The following SMCR8 variants were observed in gnomAD, a reference collection of about 807,000 sequenced individuals.
The protein encoded by SMCR8 is SMCR8-C9orf72 complex subunit, also known as guanine nucleotide exchange protein SMCR8.
SMCR8 carries 30 observed loss-of-function variants against 56.6 expected under a neutral mutation model. The observed-to-expected ratio is 0.53, with a 90% CI of 0.40 to 0.72. The LOEUF is 0.72. Ranked by LOEUF, SMCR8 falls within the 30% of genes least tolerant of loss-of-function variation. The probability of loss-of-function intolerance (pLI) is 0.00; values close to 1 mark genes in which losing one functional copy is unlikely to be tolerated. For synonymous variants in SMCR8, 538 were observed against 456.0 expected (o/e 1.18, Z -2.29); for missense variants, 1,198 against 1,157.0 (o/e 1.04, Z -0.51).
Position 18,317,329 on chromosome 17 carries a change from G to C in SMCR8, c.1540G>C (p.Glu514Gln). 6.2e-7 allele frequency: 1 copy of C among 1,614,084 alleles called. No homozygotes were observed. The highest frequency in any genetic ancestry group is 1.1e-5 in the South Asian group (1 of 91,076). Residue 514 changes from glutamate (E) to glutamine (Q), a missense_variant, in exon 1 of 2, where the codon GAG becomes CAG. By Grantham distance (29) the Glu-to-Gln change is conservative. Transcript: ENST00000406438. ...SKAVSHRTISEDSIEVLSTCP... is the reference protein window; with the variant it reads ...SKAVSHRTISQDSIEVLSTCP... The stretch of plus-strand genomic sequence containing the variant: ...AGCAGTCAGCCACAGGACCATCAGC[G>C]AGGACAGTATTGAAGTCCTCAGTAC...
Position 18,316,963 on chromosome 17 carries a change from A to G in SMCR8, c.1174A>G (p.Lys392Glu). ...MVEKQESIPS[K>E]PSQDRPPSSS... ...GGAGAAACAAGAAAGCATACCCTCT[A>G]AGCCCAGTCAAGACAGGCCGCCTTC... The change falls in exon 1 of 2, where the codon AAG (lysine) becomes GAG (glutamate). Residue 392 changes from lysine (K) to glutamate (E), a missense_variant. Coordinates refer to ENST00000406438, the MANE Select transcript of SMCR8 (RefSeq NM_144775.3). 2 of 1,614,196 alleles carry G rather than the reference A, an allele frequency of 1.2e-6. No homozygotes were observed. Among genetic ancestry groups the G allele is most frequent in the Non-Finnish European group, 1.7e-6 (2 of 1,180,026 alleles).
At position 18,315,592 on chromosome 17, in the gene SMCR8, G is replaced by A. The variant is rs753522544; in HGVS notation, c.-198G>A. 1 of 548,666 alleles carries A rather than the reference G, an allele frequency of 1.8e-6. No homozygotes were observed. Among genetic ancestry groups the A allele is most frequent in the Non-Finnish European group, 3.2e-6 (1 of 311,278 alleles). 34.0% of individuals were successfully genotyped at this position (548,666 alleles called of 1,614,324 possible). A position where few individuals can be genotyped will look rare whatever the true frequency, so the allele number is the denominator to read the frequency against. On this transcript the variant is annotated 5_prime_UTR_variant, in exon 1 of 2. Coordinates refer to ENST00000406438, the MANE Select transcript of SMCR8 (RefSeq NM_144775.3). Reference sequence around the variant, plus strand: ...TCATGAGGCCTCAGAGAGCTCCGGAGGAGCTACAACTGTGAGGGGGCTGCT... The same window carrying A: ...TCATGAGGCCTCAGAGAGCTCCGGAAGAGCTACAACTGTGAGGGGGCTGCT...
Position 18,315,823 on chromosome 17 carries a change from A to G in SMCR8, c.34A>G (p.Lys12Glu). The G allele has an allele frequency of 6.2e-7, 1 of 1,601,952 alleles. No homozygotes were observed. The highest frequency in any genetic ancestry group is 8.5e-7 in the Non-Finnish European group (1 of 1,170,876). Residue 12 changes from lysine to glutamate, a missense_variant, in exon 1 of 2, where the codon AAA becomes GAA. Lys to Glu is a moderately conservative substitution (Grantham distance 56, BLOSUM62 1). Transcript: ENST00000406438. ...CGCCCCTGACGTAGTGGCCTTCACCAAAGAGGAAGAGTATGAAGAAGAGCC... is the reference window on the plus strand; with the variant it reads ...CGCCCCTGACGTAGTGGCCTTCACCGAAGAGGAAGAGTATGAAGAAGAGCC... ...ISAPDVVAFT[K>E]EEEYEEEPYN...
chr17:18,320,881 G>A (rs921865), intron 1 of SMCR8, among the ~76,000 whole-genome samples: 55,400 of 152,032 alleles, frequency 0.36, 11,170 homozygotes, highest in African/African-American at 0.53. Context: ...CTGAGGGCCA[G>A]CTCTGAGGCA....
chr17:18,319,907 G>A (rs1982446453), intron 1 of SMCR8, among the ~76,000 whole-genome samples: 1 of 152,158 alleles, frequency 6.6e-6, no homozygotes, highest in Non-Finnish European at 1.5e-5. Context: ...CTTTAGTAGA[G>A]ACAGGGTTTC....
chr17:18,315,694 C>T lies in SMCR8; in HGVS notation c.-96C>T, dbSNP rs1982235460. 1 of 872,408 alleles carries T rather than the reference C, an allele frequency of 1.1e-6. No homozygotes were observed. Among genetic ancestry groups the T allele is most frequent in the Admixed American group, 2.4e-5 (1 of 42,042 alleles). 54.0% of individuals were successfully genotyped at this position (872,408 alleles called of 1,614,324 possible). ...GGAGTCGCAAAGAAGGCCGTAAGGG[C>T]TTCACTTCCTTCTCCGGAGGCCTGC... On this transcript the variant is annotated 5_prime_UTR_variant, in exon 1 of 2. Transcript: ENST00000406438.
In SMCR8 at chr17:18,325,442, G is replaced by A. The variant is rs1035879491; in HGVS notation, c.*2372G>A. 6.6e-6 allele frequency: 1 copy of A among 152,240 alleles called. No homozygotes were observed. Among genetic ancestry groups the A allele is most frequent in the Non-Finnish European group, 1.5e-5 (1 of 68,058 alleles). 9.4% of individuals were successfully genotyped at this position (152,240 alleles called of 1,614,324 possible). A position where few individuals can be genotyped will look rare whatever the true frequency, so the allele number is the denominator to read the frequency against. On this transcript the variant is annotated 3_prime_UTR_variant, in exon 2 of 2. Coordinates refer to ENST00000406438, the MANE Select transcript of SMCR8 (RefSeq NM_144775.3). ...GGGGCAGCCATGTAAGTGGCAAGCAGGGCTGGTCTCCCTCAAGGTGGTTCT... is the reference window on the plus strand; with the variant it reads ...GGGGCAGCCATGTAAGTGGCAAGCAAGGCTGGTCTCCCTCAAGGTGGTTCT...
rs1056125793 is a variant in SMCR8 at position 18,328,051 on chromosome 17, A to G, written c.*4981A>G. ...ACGTGAAAATAAAATTTCTTTGGGA[A>G]GGTGACATTTGGCTTCCTGATTACG... On this transcript the variant is annotated 3_prime_UTR_variant, in exon 2 of 2. Transcript: ENST00000406438. 1 of 152,524 alleles carries G rather than the reference A, an allele frequency of 6.6e-6. No individual in the cohort carries two copies. Among genetic ancestry groups the G allele is most frequent in the Non-Finnish European group, 1.5e-5 (1 of 68,074 alleles). 9.4% of individuals were successfully genotyped at this position (152,524 alleles called of 1,614,324 possible). A position where few individuals can be genotyped will look rare whatever the true frequency, so the allele number is the denominator to read the frequency against.
Position 18,318,005 on chromosome 17 carries a change from A to G in SMCR8, c.2216A>G (p.Asp739Gly), listed in dbSNP as rs1418789485. The G allele has an allele frequency of 6.2e-7, 1 of 1,614,256 alleles. No homozygotes were observed. Among genetic ancestry groups the G allele is most frequent in the Non-Finnish European group, 8.5e-7 (1 of 1,180,052 alleles). Residue 739 changes from aspartate to glycine, a missense_variant, in exon 1 of 2, where the codon GAT becomes GGT. Asp to Gly is a moderately conservative substitution (Grantham distance 94, BLOSUM62 -1). Transcript: ENST00000406438. ...AGGACACTTGTGGTCCTGGGGGAAG[A>G]TGAGGCCATAGTCAGGAAACTCGTG... ...SGRTLVVLGE[D>G]EAIVRKLVTA... is the part of the protein sequence containing the mutation.
Position 18,317,703 on chromosome 17 carries a change from T to C in SMCR8, c.1914T>C (p.Ser638=), listed in dbSNP as rs1258160356. The C allele has an allele frequency of 6.5e-5, 105 of 1,614,020 alleles. No individual in the cohort carries two copies. Among genetic ancestry groups the C allele is most frequent in the Non-Finnish European group, 8.8e-5 (104 of 1,180,034 alleles). ...TTTCAGTGGAAAATGCCAACCCTTC[T>C]TCCCGAGACAACAGTTGTGAAGGGT... ...VDFSVENANP[S]SRDNSCEGFP... The change falls in exon 1 of 2, where the codon TCT becomes TCC. Residue 638 remains serine (S), a synonymous_variant. Coordinates refer to ENST00000406438, the MANE Select transcript of SMCR8 (RefSeq NM_144775.3).
chr17:18,320,023 A>G lies in SMCR8; in HGVS notation c.2360+1874A>G, dbSNP rs552444764. ...CCTGCTGTCATTTTAAGTGAACACC[A>G]GGGGTCATCCTATTGCTTACTAAGC... On this transcript the variant is annotated intron_variant, in intron 1 of 1. Transcript: ENST00000406438. Among the ~76,000 whole-genome samples the G allele has an allele frequency of 2.4e-4, 36 of 152,344 alleles. No individual in the cohort carries two copies. In the South Asian group the frequency reaches 7.2e-3, roughly 31 times the overall value.
intron 1 of SMCR8, among the ~76,000 whole-genome samples, 197 bp from the exon 2 acceptor site, chr17:18,322,420 C>T (rs1007352848): frequency 3.9e-5 from 6 of 152,182 alleles, no homozygotes; most frequent in East Asian, 1.9e-4. Context: ...GGCCACCCAG[C>T]GTGTTTTTGA....
chr17:18,320,730 C>A (rs1305233163), intron 1 of SMCR8, among the ~76,000 whole-genome samples: 6 of 152,240 alleles, frequency 3.9e-5, no homozygotes, highest in Non-Finnish European at 8.8e-5. Flanking sequence ...CTGTGGGATG[C>A]ATGTGGTCCA....
rs960162608 is a variant in SMCR8, at chr17:18,325,170, C to A, written c.*2100C>A. Reference sequence around the variant, plus strand: ...CACCACCACTGTGGCATTCCTGTCACACCAACACAGAAATTCACAGCTCAT... The same window carrying A: ...CACCACCACTGTGGCATTCCTGTCAAACCAACACAGAAATTCACAGCTCAT... On this transcript the variant is annotated 3_prime_UTR_variant, in exon 2 of 2. Coordinates refer to ENST00000406438, the MANE Select transcript of SMCR8 (RefSeq NM_144775.3). 1 of 152,268 alleles carries A rather than the reference C, an allele frequency of 6.6e-6. No individual in the cohort carries two copies. Among genetic ancestry groups the A allele is most frequent in the African/African-American group, 2.4e-5 (1 of 41,448 alleles). 9.4% of individuals were successfully genotyped at this position (152,268 alleles called of 1,614,324 possible). A position where few individuals can be genotyped will look rare whatever the true frequency, so the allele number is the denominator to read the frequency against.
Position 18,323,092 on chromosome 17 carries a change from C to A in SMCR8, c.*22C>A. ...CTGAGGTCGGTCCCAGACACTGTGA[C>A]CAAGACCTGTGACTCAGGGTATGGG... On this transcript the variant is annotated 3_prime_UTR_variant, in exon 2 of 2. Transcript: ENST00000406438. The A allele has an allele frequency of 6.3e-7, 1 of 1,592,186 alleles. No individual in the cohort carries two copies. Among genetic ancestry groups the A allele is most frequent in the Admixed American group, 1.7e-5 (1 of 58,904 alleles).
In SMCR8 at chr17:18,327,918, T is replaced by C. The variant is rs1982740282; in HGVS notation, c.*4848T>C. On this transcript the variant is annotated 3_prime_UTR_variant, in exon 2 of 2. Coordinates refer to ENST00000406438, the MANE Select transcript of SMCR8 (RefSeq NM_144775.3). ...TATTTGAGTTCAAATATTTTTGAAA[T>C]ATAAAAATTGGTTGTATTTTTTAAA... The C allele has an allele frequency of 6.6e-6, 1 of 152,654 alleles. No individual in the cohort carries two copies. The highest frequency in any genetic ancestry group is 2.4e-5 in the African/African-American group (1 of 41,462). 9.5% of individuals were successfully genotyped at this position (152,654 alleles called of 1,614,324 possible).
chr17:18,322,873 G>A lies in SMCR8; in HGVS notation c.2617G>A (p.Asp873Asn), dbSNP rs202080137. 231 of 1,614,064 alleles carry A rather than the reference G, an allele frequency of 1.4e-4. 1 individual carries two copies. The Middle Eastern group carries it at 1.5e-3, about 10-fold the overall frequency. ...CCACCACCTGCACCTGCCTACCCAC[G>A]ACAAGGAGACAGAGGAGCTGGTAGC... Reference protein sequence around the residue: ...FCHHLHLPTHDKETEELVASR... With the variant: ...FCHHLHLPTHNKETEELVASR... Residue 873 changes from aspartate to asparagine, a missense_variant, in exon 2 of 2, where the codon GAC (aspartate) becomes AAC (asparagine). Asp to Asn is a conservative substitution (Grantham distance 23, BLOSUM62 1). Coordinates refer to ENST00000406438, the MANE Select transcript of SMCR8 (RefSeq NM_144775.3).
At position 18,317,617 on chromosome 17, in the gene SMCR8, G is replaced by C; in HGVS notation, c.1828G>C (p.Gly610Arg). ...AGCCCACACACACTCTGACGAGGAT[G>C]GGGTGGTGAGCAGCCCCCCACAGCG... ...TPAHTHSDED[G>R]VVSSPPQRHR... Residue 610 changes from glycine (G) to arginine (R), a missense_variant, in exon 1 of 2, where the codon GGG (glycine) becomes CGG (arginine). Gly to Arg is a moderately radical substitution (Grantham distance 125). Coordinates refer to ENST00000406438, the MANE Select transcript of SMCR8 (RefSeq NM_144775.3). The C allele has an allele frequency of 6.2e-7, 1 of 1,614,164 alleles. No individual in the cohort carries two copies. Among genetic ancestry groups the C allele is most frequent in the Non-Finnish European group, 8.5e-7 (1 of 1,180,048 alleles).
In SMCR8 at chr17:18,317,584, T is replaced by G. The variant is rs1982361114; in HGVS notation, c.1795T>G (p.Ser599Ala). 1 of 1,613,990 alleles carries G rather than the reference T, an allele frequency of 6.2e-7. No individual in the cohort carries two copies. The highest frequency in any genetic ancestry group is 8.5e-7 in the Non-Finnish European group (1 of 1,180,036). ...KESDGQLVLPSTPAHTHSDED... is the reference protein window; with the variant it reads ...KESDGQLVLPATPAHTHSDED... Reference sequence around the variant, plus strand: ...GAGCGATGGTCAGTTGGTGCTGCCCTCCACTCCAGCCCACACACACTCTGA... The same window carrying G: ...GAGCGATGGTCAGTTGGTGCTGCCCGCCACTCCAGCCCACACACACTCTGA... The change falls in exon 1 of 2, where the codon TCC becomes GCC. Residue 599 changes from serine to alanine, a missense_variant. Coordinates refer to ENST00000406438, the MANE Select transcript of SMCR8 (RefSeq NM_144775.3).
Sources: allele counts gnomAD v4.1 joint callset (sites outside exome capture counted in the v4.1 genomes callset), GRCh38; gene constraint gnomAD v4.1.1; transcripts MANE v1.5; gene names NCBI Gene and HGNC (gene_info 2026-07-23, HGNC 2026-07-21).